Variants in ST6GALNAC3 observed in about 807,000 individuals in gnomAD.
ST6GALNAC3 encodes ST6 N-acetylgalactosaminide alpha-2,6-sialyltransferase 3.
In ST6GALNAC3, 25 loss-of-function variants were observed where a neutral mutation model predicts 32.7. The observed-to-expected ratio is 0.76, with a 90% confidence interval of 0.56 to 1.07. ST6GALNAC3 has a LOEUF of 1.07. Among genes scored for constraint, ST6GALNAC3 ranks in the 50% least tolerant of loss-of-function variants. The pLI is 0.00. For missense variants in ST6GALNAC3, 355 were observed against 382.4 expected (o/e 0.93, Z 0.60); for synonymous variants, 129 against 133.1 (o/e 0.97, Z 0.21).
chr1:76,382,692 T>A (rs1210084375), intron 2 of ST6GALNAC3, among the ~76,000 whole-genome samples: 1 of 152,208 alleles, frequency 6.6e-6, no homozygotes. Flanking sequence ...CACAACATTT[T>A]AATAGCATAT....
intron 3 of ST6GALNAC3, among the ~76,000 whole-genome samples, chr1:76,561,856 A>C (rs1665265833): frequency 6.6e-6 from 1 of 152,220 alleles, no homozygotes; most frequent in Admixed American, 6.5e-5. Flanking sequence ...AGGAACCTAC[A>C]TGTCTGTCAA....
chr1:76,293,948 A>G (rs2100825981), intron 1 of ST6GALNAC3, among the ~76,000 whole-genome samples: 1 of 152,298 alleles, frequency 6.6e-6, no homozygotes. Context: ...TTTACTGGTC[A>G]ATGAAAACTT....
rs536373285 is a variant in ST6GALNAC3 at position 76,099,385 on chromosome 1, A to G, written c.18+24501A>G. ...ATTTATCCAAGTGAAATGAAAACGT[A>G]TGTCCACAAAAGAGTGGTACATGCA... On this transcript the variant is annotated intron_variant, in intron 1 of 4. Transcript: ENST00000328299. 3.9e-5 allele frequency among the ~76,000 whole-genome samples: 6 copies of G among 152,312 alleles called. No homozygotes were observed. The South Asian group carries it at 1.2e-3, about 32-fold the overall frequency.
At chr1:76,109,555 G>A (rs1361556487) in intron 1 of ST6GALNAC3, among the ~76,000 whole-genome samples, 1 of 152,202 alleles carries the variant, frequency 6.6e-6, no homozygotes, top group Non-Finnish European at 1.5e-5. Context: ...TGTCCATTGG[G>A]TGTGTGTCCT....
chr1:76,300,137 CTT>C (rs1376801024), intron 1 of ST6GALNAC3, among the ~76,000 whole-genome samples: 2 of 152,022 alleles, frequency 1.3e-5, no homozygotes, highest in Non-Finnish European at 2.9e-5. Context: ...GAAGTAATCT[CTT>C]TTGCTGTAAA....
intron 1 of ST6GALNAC3, among the ~76,000 whole-genome samples, chr1:76,146,523 C>T (rs549228334): frequency 3.9e-5 from 6 of 152,236 alleles, no homozygotes; most frequent in Non-Finnish European, 4.4e-5. Flanking sequence ...TTTTCTCCCT[C>T]ACACTCCTGT....
intron 1 of ST6GALNAC3, among the ~76,000 whole-genome samples, chr1:76,161,430 G>C (rs968324535): frequency 6.6e-6 from 1 of 152,198 alleles, no homozygotes; most frequent in Non-Finnish European, 1.5e-5. Context: ...GACCCTTGCT[G>C]CTTGCTTCCC....
At chr1:76,416,820 G>T (rs1654669465) in intron 3 of ST6GALNAC3, among the ~76,000 whole-genome samples, 1 of 151,726 alleles carries the variant, frequency 6.6e-6, no homozygotes, top group Non-Finnish European at 1.5e-5. Flanking sequence ...TAGAGATGGG[G>T]TTTCACCATA....
At chr1:76,595,157 G>C (rs768114656) in intron 3 of ST6GALNAC3, among the ~76,000 whole-genome samples, 26 of 152,136 alleles carry the variant, frequency 1.7e-4, no homozygotes, top group Non-Finnish European at 3.7e-4. Context: ...GTCTCGATAA[G>C]CTGGGGCTCC....
chr1:76,163,798 G>T (rs1405031650), intron 1 of ST6GALNAC3, among the ~76,000 whole-genome samples: 1 of 152,186 alleles, frequency 6.6e-6, no homozygotes, highest in African/African-American at 2.4e-5. Context: ...TCATTTACCT[G>T]ATGTTGGCAT....
At chr1:76,544,276 T>G (rs1337391668) in intron 3 of ST6GALNAC3, among the ~76,000 whole-genome samples, 2 of 152,090 alleles carry the variant, frequency 1.3e-5, no homozygotes, top group Admixed American at 6.5e-5. Flanking sequence ...ATTTTGAGCT[T>G]CATGTTAAGA....
At chr1:76,092,034 C>G (rs1647053929) in intron 1 of ST6GALNAC3, among the ~76,000 whole-genome samples, 1 of 152,118 alleles carries the variant, frequency 6.6e-6, no homozygotes, top group South Asian at 2.1e-4. Context: ...GTTAGGAGAT[C>G]CTTCAGTTTT....
intron 3 of ST6GALNAC3, among the ~76,000 whole-genome samples, chr1:76,490,277 T>C (rs1660409471): frequency 6.6e-6 from 1 of 151,974 alleles, no homozygotes; most frequent in Admixed American, 6.6e-5. Context: ...CTCACCACAC[T>C]CTAGGCCTAC....
At chr1:76,136,047 C>T (rs1440397690) in intron 1 of ST6GALNAC3, among the ~76,000 whole-genome samples, 4 of 152,190 alleles carry the variant, frequency 2.6e-5, no homozygotes, top group Admixed American at 2.0e-4. Context: ...GAATCAGCTG[C>T]ACAGGGCTGG....
chr1:76,482,932 G>C (rs1053682476), intron 3 of ST6GALNAC3, among the ~76,000 whole-genome samples: 4 of 138,596 alleles, frequency 2.9e-5, no homozygotes, highest in South Asian at 4.5e-4. Context: ...GTGTCCATCT[G>C]TTCTCATTGT....
intron 3 of ST6GALNAC3, among the ~76,000 whole-genome samples, chr1:76,589,015 A>G (rs2100575731): frequency 1.3e-5 from 2 of 152,042 alleles, no homozygotes; most frequent in South Asian, 4.2e-4. Flanking sequence ...AGTAGTTTTT[A>G]TTTCCTGTGT....
chr1:76,427,144 A>G (rs1441843127), intron 3 of ST6GALNAC3, among the ~76,000 whole-genome samples: 2 of 152,040 alleles, frequency 1.3e-5, no homozygotes, highest in Admixed American at 6.6e-5. Context: ...AGCACAACAC[A>G]CTTATTTAAT....
chr1:76,580,949 G>A (rs1348216873), intron 3 of ST6GALNAC3, among the ~76,000 whole-genome samples: 1 of 152,212 alleles, frequency 6.6e-6, no homozygotes, highest in East Asian at 1.9e-4. Flanking sequence ...ACATGCTTTG[G>A]AGTGTTATGG....
intron 2 of ST6GALNAC3, among the ~76,000 whole-genome samples, chr1:76,392,504 C>T (rs1018016426): frequency 1.3e-5 from 2 of 152,152 alleles, no homozygotes; most frequent in African/African-American, 4.8e-5. Context: ...CATTGTTATT[C>T]TTAGCATGGA....
Sources: allele counts gnomAD v4.1 joint callset (sites outside exome capture counted in the v4.1 genomes callset), GRCh38; gene constraint gnomAD v4.1.1; transcripts MANE v1.5; gene names NCBI Gene and HGNC (gene_info 2026-07-23, HGNC 2026-07-21).